NR6A1: variants seen among roughly 807,000 people sequenced by gnomAD.
NR6A1 encodes the protein nuclear receptor subfamily 6 group A member 1.
In NR6A1, 7 loss-of-function variants were observed where a neutral mutation model predicts 59.1. The ratio of observed to expected loss-of-function variants is 0.12; its 90% CI spans 0.07 to 0.22. The LOEUF (loss-of-function observed/expected upper bound fraction) is 0.22. Ranked by LOEUF, NR6A1 falls within the 10% of genes least tolerant of loss-of-function variation. The pLI is 1.00. For missense variants in NR6A1, 468 were observed against 611.6 expected, an observed-to-expected ratio of 0.77 and a Z score of 2.48; for synonymous variants, 243 against 236.1, an observed-to-expected ratio of 1.03 and a Z score of -0.27.
At chr9:124,539,093 CAG>C (rs924464857) in intron 5 of NR6A1, among the ~76,000 whole-genome samples, 6 of 151,910 alleles carry the variant, frequency 3.9e-5, no homozygotes, top group African/African-American at 9.7e-5. Flanking sequence ...CAAAAAAAGA[CAG>C]AGTCTTGCCA....
intron 2 of NR6A1, among the ~76,000 whole-genome samples, chr9:124,668,350 G>A (rs1837690995): frequency 6.6e-6 from 1 of 152,100 alleles, no homozygotes; most frequent in Non-Finnish European, 1.5e-5. Context: ...GAGGTGGAAG[G>A]GGAGGCAGAA....
At chr9:124,657,896 AAGAGCAATTTATATCATAT>A (rs769999418) in intron 2 of NR6A1, among the ~76,000 whole-genome samples, 8 of 152,220 alleles carry the variant, frequency 5.3e-5, no homozygotes, top group Non-Finnish European at 1.0e-4. Flanking sequence ...AATTTTCATT[AAGAGCAATTTATATCATAT>A]AGAGGCTTCA....
chr9:124,603,691 G>A (rs1835507762), intron 2 of NR6A1, among the ~76,000 whole-genome samples: 1 of 152,118 alleles, frequency 6.6e-6, no homozygotes, highest in South Asian at 2.1e-4. Flanking sequence ...GCCAACCAGT[G>A]TATCTCCAGT....
intron 2 of NR6A1, among the ~76,000 whole-genome samples, chr9:124,645,149 A>T (rs144804900): frequency 1.3e-5 from 2 of 152,372 alleles, no homozygotes; most frequent in East Asian, 3.9e-4. Flanking sequence ...TATACTAAGA[A>T]ATGAGAGAAA....
intron 1 of NR6A1, among the ~76,000 whole-genome samples, chr9:124,737,606 C>A (rs1294187362): frequency 6.6e-6 from 1 of 152,242 alleles, no homozygotes; most frequent in Non-Finnish European, 1.5e-5. Context: ...TGGCTCACAC[C>A]TGTAATCCCA....
intron 2 of NR6A1, among the ~76,000 whole-genome samples, chr9:124,611,958 C>T (rs1324965414): frequency 6.6e-6 from 1 of 151,962 alleles, no homozygotes; most frequent in African/African-American, 2.4e-5. Flanking sequence ...AGAAGAGGGG[C>T]AAAATACAAG....
At chr9:124,665,017 A>C (rs1255930134) in intron 2 of NR6A1, among the ~76,000 whole-genome samples, 123 of 150,122 alleles carry the variant, frequency 8.2e-4, no homozygotes, top group African/African-American at 2.4e-3. Flanking sequence ...CTCCAAAAAA[A>C]AAAAAAAAAA....
intron 2 of NR6A1, among the ~76,000 whole-genome samples, chr9:124,622,013 A>T (rs1363902422): frequency 6.6e-6 from 1 of 152,152 alleles, no homozygotes; most frequent in Admixed American, 6.5e-5. Context: ...CAGGAGTTTG[A>T]AACCAGCCTG....
intron 2 of NR6A1, among the ~76,000 whole-genome samples, chr9:124,584,615 G>A (rs2131469051): frequency 6.6e-6 from 1 of 152,242 alleles, no homozygotes; most frequent in East Asian, 1.9e-4. Flanking sequence ...GTTTGGGGGT[G>A]CCACGAACCG....
intron 2 of NR6A1, among the ~76,000 whole-genome samples, chr9:124,638,097 TTTAAAAA>T (rs996811318): frequency 6.6e-6 from 1 of 151,280 alleles, no homozygotes; most frequent in Non-Finnish European, 1.5e-5. Flanking sequence ...AAAATTAAAA[TTTAAAAA>T]TTAGCTGGGT....
chr9:124,618,180 A>G lies in NR6A1; in HGVS notation c.143-63610T>C, dbSNP rs565377601. On this transcript the variant is annotated intron_variant, in intron 2 of 9. Coordinates refer to ENST00000487099, the MANE Select transcript of NR6A1 (RefSeq NM_033334.4). ...CAAGGGAAGGATACTGTAAGCAGCA[A>G]TGAGTTGAAAGGTAACCATGGCCAG... is the stretch of plus-strand genomic sequence containing the variant. Among the ~76,000 whole-genome samples the G allele has an allele frequency of 5.9e-4, 90 of 152,274 alleles. 1 individual carries two copies. The South Asian group carries it at 0.018, about 31-fold the overall frequency.
chr9:124,712,299 A>T (rs1839300320), intron 2 of NR6A1, among the ~76,000 whole-genome samples: 1 of 152,124 alleles, frequency 6.6e-6, no homozygotes, highest in Non-Finnish European at 1.5e-5. Flanking sequence ...CAAAATGAGA[A>T]ATTAAGGAAA....
chr9:124,604,887 G>C (rs1835538075), intron 2 of NR6A1, among the ~76,000 whole-genome samples: 1 of 152,106 alleles, frequency 6.6e-6, no homozygotes, highest in Admixed American at 6.5e-5. Context: ...TTTCCTAGAT[G>C]AATTATACCA....
chr9:124,658,398 T>A (rs571360182), intron 2 of NR6A1: 1 of 152,362 alleles, frequency 6.6e-6, no homozygotes, highest in East Asian at 1.9e-4. Flanking sequence ...CTGTCCATCA[T>A]CTGGGTCATA....
chr9:124,638,400 T>C (rs1057074192), intron 2 of NR6A1, among the ~76,000 whole-genome samples: 1 of 152,228 alleles, frequency 6.6e-6, no homozygotes, highest in Non-Finnish European at 1.5e-5. Context: ...ATTTTTCCTA[T>C]GGTCTTTTAC....
At position 124,646,867 on chromosome 9, in the gene NR6A1, T is replaced by C. The variant is rs183840466; in HGVS notation, c.142+86441A>G. Among the ~76,000 whole-genome samples the C allele has an allele frequency of 3.5e-3, 535 of 152,166 alleles. 3 individuals carry two copies. The highest frequency in any genetic ancestry group is 6.1e-3 in the Non-Finnish European group (418 of 67,992). On this transcript the variant is annotated intron_variant, in intron 2 of 9. Transcript: ENST00000487099. ...AATAGGCCTACAGGTATTAAAGAAA[T>C]TGAATTAACAATTAATAACTTACCA...
chr9:124,540,626 C>G (rs549530824), intron 4 of NR6A1, among the ~76,000 whole-genome samples: 1 of 152,074 alleles, frequency 6.6e-6, no homozygotes, highest in Admixed American at 6.5e-5. Context: ...ACGGTGAAAC[C>G]CGTCTCTACA....
chr9:124,600,436 G>T (rs924010645), intron 2 of NR6A1, among the ~76,000 whole-genome samples: 8 of 152,152 alleles, frequency 5.3e-5, no homozygotes, highest in Admixed American at 5.2e-4. Flanking sequence ...GAGGTGGAAA[G>T]AATTCATAGT....
intron 1 of NR6A1, among the ~76,000 whole-genome samples, chr9:124,741,966 TCAC>T (rs1840184129): frequency 6.6e-6 from 1 of 152,092 alleles, no homozygotes; most frequent in Non-Finnish European, 1.5e-5. Context: ...AGACAGGCAT[TCAC>T]CAGGCAAACA....
Sources: allele counts gnomAD v4.1 joint callset (sites outside exome capture counted in the v4.1 genomes callset), GRCh38; gene constraint gnomAD v4.1.1; transcripts MANE v1.5; gene names NCBI Gene and HGNC (gene_info 2026-07-23, HGNC 2026-07-21).